Variants in CD164 observed in about 807,000 individuals in gnomAD.
CD164 encodes CD164 molecule, also known as sialomucin core protein 24.
CD164 carries 11 observed loss-of-function variants against 24.6 expected under a neutral mutation model. The observed-to-expected ratio is 0.45, with a 90% confidence interval of 0.28 to 0.74. The LOEUF (loss-of-function observed/expected upper bound fraction) is 0.74. Among genes scored for constraint, CD164 ranks in the 30% least tolerant of loss-of-function variants. The pLI is 0.13. For synonymous variants in CD164, 126 were observed against 100.3 expected, an observed-to-expected ratio of 1.26 and a Z score of -1.53; for missense variants, 295 against 243.7, an observed-to-expected ratio of 1.21 and a Z score of -1.40.
chr6:109,370,586 A>G lies in CD164; in HGVS notation c.371-119T>C. ...CATGCTTTCAATTTTTTAGAGACCA[A>G]AAGCCAAATTTCAGTTAATGGTTCA... On this transcript the variant is annotated intron_variant, in intron 4 of 5. Coordinates refer to ENST00000310786, the MANE Select transcript of CD164 (RefSeq NM_006016.6). 1.0e-5 allele frequency: 8 copies of G among 802,852 alleles called. 1 individual carries two copies. In the South Asian group the frequency reaches 1.3e-4, roughly 13 times the overall value. The allele number at this position is 802,852 out of a possible 1,614,324, so 49.7% of individuals were successfully genotyped here.
Position 109,368,797 on chromosome 6 carries a change from C to T in CD164, c.*54G>A, listed in dbSNP as rs775564166. 4.2e-5 allele frequency: 66 copies of T among 1,556,946 alleles called. No individual in the cohort carries two copies. Among genetic ancestry groups the T allele is most frequent in the Non-Finnish European group, 5.1e-5 (59 of 1,157,464 alleles). On this transcript the variant is annotated 3_prime_UTR_variant, in exon 6 of 6. Transcript: ENST00000310786. ...GACATCTTAAAAGATAGTATTTTGG[C>T]TTCAGTGAGTTACACAAATGAATCA...
chr6:109,369,048 C>G, intron 5 of CD164, 31 bp from the exon 6 acceptor site: 1 of 1,588,298 alleles, frequency 6.3e-7, no homozygotes, highest in Non-Finnish European at 8.6e-7. Flanking sequence ...AACAACAATC[C>G]TAAGTTTCAT....
chr6:109,379,141 GAC>G (rs1013660097), intron 2 of CD164, among the ~76,000 whole-genome samples: 1 of 152,064 alleles, frequency 6.6e-6, no homozygotes, highest in African/African-American at 2.4e-5. Flanking sequence ...CATGTTGCAG[GAC>G]ACAGTTTTCA....
rs182194980 is a variant in CD164 at position 109,377,627 on chromosome 6, G to A, written c.331+273C>T. 8.5e-5 allele frequency among the ~76,000 whole-genome samples: 12 copies of A among 141,566 alleles called. No homozygotes were observed. The East Asian group carries it at 2.5e-3, about 29-fold the overall frequency. The allele number at this position is 141,566 out of a possible 152,430, so 92.9% of individuals were successfully genotyped here. ...GCAAACATAGCGGCTAAACTGTGAT[G>A]AATTCCTAGAAAAGTTTAAAAAAAA... is the stretch of plus-strand genomic sequence containing the variant. On this transcript the variant is annotated intron_variant, in intron 3 of 5. Transcript: ENST00000310786.
chr6:109,379,487 C>G, intron 2 of CD164, 92 bp downstream of exon 2: 1 of 944,928 alleles, frequency 1.1e-6, no homozygotes, highest in Non-Finnish European at 1.6e-6. Flanking sequence ...TGCACAATAT[C>G]CTAAATGTCC....
At chr6:109,380,551 G>A (rs1397456567) in intron 1 of CD164, 1 of 152,224 alleles carries the variant, frequency 6.6e-6, no homozygotes, top group African/African-American at 2.4e-5. Context: ...CATGTACGGT[G>A]GGGTGGGGAA....
At chr6:109,369,504 G>A (rs1320706116) in intron 5 of CD164, among the ~76,000 whole-genome samples, 1 of 151,838 alleles carries the variant, frequency 6.6e-6, no homozygotes, top group Non-Finnish European at 1.5e-5. Flanking sequence ...GTTTTTAAAG[G>A]CATATCCTGC....
chr6:109,367,518 A>G lies in CD164; in HGVS notation c.*1333T>C, dbSNP rs1008493058. ...AAGGCAAGGGAGAAGTAAACCTCTA[A>G]AACTGAAGACGACCCTCTAAAGGAG... On this transcript the variant is annotated 3_prime_UTR_variant, in exon 6 of 6. Transcript: ENST00000310786. 2 of 152,516 alleles carry G rather than the reference A, an allele frequency of 1.3e-5. No individual in the cohort carries two copies. The highest frequency in any genetic ancestry group is 4.8e-5 in the African/African-American group (2 of 41,456). The allele number at this position is 152,516 out of a possible 1,614,324, so 9.4% of individuals were successfully genotyped here. A position where few individuals can be genotyped will look rare whatever the true frequency, so the allele number is the denominator to read the frequency against.
At position 109,382,262 on chromosome 6, in the gene CD164, G is replaced by A. The variant is rs772118848; in HGVS notation, c.117C>T (p.Ile39=). 4 of 1,590,652 alleles carry A rather than the reference G, an allele frequency of 2.5e-6. No homozygotes were observed. The highest frequency in any genetic ancestry group is 1.3e-5 in the African/African-American group (1 of 74,600). The change falls in exon 1 of 6, where the codon ATC becomes ATT. Residue 39 remains isoleucine (I), a synonymous_variant. Transcript: ENST00000310786. ...TCACCGGCGCCGAGGTTACGTTGGA[G>A]ATGGGCGCTAAAGTCGTCACGTTCG... ...QHPNVTTLAP[I]SNVTSAPVTS...
In CD164 at chr6:109,368,052, A is replaced by G. The variant is rs1252382939; in HGVS notation, c.*799T>C. The G allele has an allele frequency of 1.7e-5, 6 of 347,758 alleles. No homozygotes were observed. The highest frequency in any genetic ancestry group is 2.6e-5 in the Non-Finnish European group (5 of 192,446). The allele number at this position is 347,758 out of a possible 1,614,324, so 21.5% of individuals were successfully genotyped here. ...TTTCTCCGCTCTGAAATAAATTTTC[A>G]ATAAAATATTAACAGTATGATATCT... On this transcript the variant is annotated 3_prime_UTR_variant, in exon 6 of 6. Coordinates refer to ENST00000310786, the MANE Select transcript of CD164 (RefSeq NM_006016.6).
intron 5 of CD164, among the ~76,000 whole-genome samples, chr6:109,370,153 T>A (rs956225634): frequency 6.6e-6 from 1 of 152,230 alleles, no homozygotes; most frequent in Non-Finnish European, 1.5e-5. Flanking sequence ...TGTACTGAAA[T>A]GTTTGGAAAA....
chr6:109,366,831 T>G lies in CD164; in HGVS notation c.*2020A>C, dbSNP rs1014467152. The G allele has an allele frequency of 9.8e-5, 15 of 152,570 alleles. No individual in the cohort carries two copies. The highest frequency in any genetic ancestry group is 9.2e-4 in the Admixed American group (14 of 15,284). 9.5% of individuals were successfully genotyped at this position (152,570 alleles called of 1,614,324 possible). On this transcript the variant is annotated 3_prime_UTR_variant, in exon 6 of 6. Transcript: ENST00000310786. ...GAGTTCTGTTGCAAGAGCTCATTTG[T>G]AGACTTGCAAAATCTAACTAATTTT...
rs538392842 is a variant in CD164 at position 109,367,701 on chromosome 6, C to T, written c.*1150G>A. On this transcript the variant is annotated 3_prime_UTR_variant, in exon 6 of 6. Transcript: ENST00000310786. ...AAAATCCTTAGGTGTTGTGAAATTA[C>T]ATTGGTCACTTCTGTTATCTTAAAA... 5.0e-4 allele frequency: 76 copies of T among 152,698 alleles called. No homozygotes were observed. Among genetic ancestry groups the T allele is most frequent in the African/African-American group, 1.8e-3 (75 of 41,576 alleles). The allele number at this position is 152,698 out of a possible 1,614,324, so 9.5% of individuals were successfully genotyped here.
chr6:109,373,676 C>A (rs1771229186), intron 4 of CD164, among the ~76,000 whole-genome samples: 1 of 152,102 alleles, frequency 6.6e-6, no homozygotes, highest in Non-Finnish European at 1.5e-5. Context: ...TTTTCATAAC[C>A]AACCTTCTGA....
In CD164 at chr6:109,366,727, T is replaced by C. The variant is rs1304820032; in HGVS notation, c.*2124A>G. ...TCTGAAAAGGTTTCTATATACCTTC[T>C]GGATTTTAAAAAAACCCAAAAATTA... On this transcript the variant is annotated 3_prime_UTR_variant, in exon 6 of 6. Coordinates refer to ENST00000310786, the MANE Select transcript of CD164 (RefSeq NM_006016.6). 6.7e-6 allele frequency: 1 copy of C among 150,234 alleles called. No homozygotes were observed. Among genetic ancestry groups the C allele is most frequent in the Non-Finnish European group, 1.5e-5 (1 of 68,012 alleles). 9.3% of individuals were successfully genotyped at this position (150,234 alleles called of 1,614,324 possible).
In CD164 at chr6:109,368,524, GTTGTC is replaced by G. The variant is rs1204591236; in HGVS notation, c.*322_*326del. ...AATTTAAACTGCCAAGAGCCATGATGTTGTCTGCACAAGACAACATTTTCCATCAC... is the reference window on the plus strand; with the variant it reads ...AATTTAAACTGCCAAGAGCCATGATGTGCACAAGACAACATTTTCCATCAC... On this transcript the variant is annotated 3_prime_UTR_variant, in exon 6 of 6. Coordinates refer to ENST00000310786, the MANE Select transcript of CD164 (RefSeq NM_006016.6). 107 of 1,360,640 alleles carry G rather than the reference GTTGTC, an allele frequency of 7.9e-5. No individual in the cohort carries two copies. The highest frequency in any genetic ancestry group is 8.3e-5 in the Non-Finnish European group (88 of 1,062,700). 84.3% of individuals were successfully genotyped at this position (1,360,640 alleles called of 1,614,324 possible).
chr6:109,376,223 T>C, intron 3 of CD164, 111 bp from the exon 4 acceptor site: 1 of 641,820 alleles, frequency 1.6e-6, no homozygotes, highest in Non-Finnish European at 2.5e-6. Flanking sequence ...TCACAATTTT[T>C]ACAACACTTA....
At chr6:109,369,129 T>A in intron 5 of CD164, 112 bp from the exon 6 acceptor site, 1 of 882,094 alleles carries the variant, frequency 1.1e-6, no homozygotes, top group Non-Finnish European at 1.7e-6. Context: ...ATAAAGTATT[T>A]CCTCAAGTCT....
rs1770899596 is a variant in CD164, at chr6:109,368,565, T to A, written c.*286A>T. On this transcript the variant is annotated 3_prime_UTR_variant, in exon 6 of 6. Coordinates refer to ENST00000310786, the MANE Select transcript of CD164 (RefSeq NM_006016.6). Reference sequence around the variant, plus strand: ...AACATTTTCCATCACTTTCAGAAAGTTATATTTGGCATGTTAAGGAAAAAA... The same window carrying A: ...AACATTTTCCATCACTTTCAGAAAGATATATTTGGCATGTTAAGGAAAAAA... The A allele has an allele frequency of 1.5e-6, 2 of 1,336,248 alleles. No homozygotes were observed. The highest frequency in any genetic ancestry group is 3.0e-5 in the African/African-American group (2 of 65,904). 82.8% of individuals were successfully genotyped at this position (1,336,248 alleles called of 1,614,324 possible). A position where few individuals can be genotyped will look rare whatever the true frequency, so the allele number is the denominator to read the frequency against.
Sources: gnomAD v4.1 joint callset for allele counts (sites outside exome capture counted in the v4.1 genomes callset) on GRCh38, gnomAD v4.1.1 for gene constraint, MANE v1.5 for transcripts, NCBI Gene and HGNC (gene_info 2026-07-23, HGNC 2026-07-21) for gene names.